PIK3R1: variants seen among roughly 807,000 people sequenced by gnomAD.
PIK3R1 encodes phosphatidylinositol 3-kinase regulatory subunit alpha.
PIK3R1 carries 29 observed loss-of-function variants against 98.0 expected under a neutral mutation model. The ratio of observed to expected loss-of-function variants is 0.30; its 90% CI spans 0.22 to 0.40. The LOEUF (loss-of-function observed/expected upper bound fraction) is 0.40. PIK3R1 is among the 10% of genes least tolerant of loss of function. The pLI, the probability that PIK3R1 is intolerant of heterozygous loss-of-function variation, is 1.00. For synonymous variants in PIK3R1, 282 were observed against 311.8 expected, an observed-to-expected ratio of 0.90 and a Z score of 1.01; for missense variants, 596 against 872.7, an observed-to-expected ratio of 0.68 and a Z score of 3.99.
rs758929943 is a variant in PIK3R1, at chr5:68,279,603, T to G, written c.504T>G (p.Asp168Glu). The G allele has an allele frequency of 6.2e-7, 1 of 1,613,042 alleles. No individual in the cohort carries two copies. The highest frequency in any genetic ancestry group is 1.7e-5 in the Admixed American group (1 of 59,974). The change falls in exon 5 of 16, where the codon GAT (aspartate) becomes GAG (glutamate). Residue 168 changes from aspartate (D) to glutamate (E), a missense_variant and splice_region_variant. Asp to Glu is a conservative substitution (Grantham distance 45). Transcript: ENST00000521381. ...LAELRQLLDC[D>E]TPSVDLEMID... ...AATATTTCTTAAATTGTTTCCTAGA[T>G]ACACCCTCCGTGGACTTGGAAATGA...
chr5:68,295,707 A>G (rs1247414000), intron 14 of PIK3R1: 1 of 572,514 alleles, frequency 1.7e-6, no homozygotes, highest in East Asian at 2.9e-5. Context: ...CTGTGAAACA[A>G]CTCTCTGTGT....
At chr5:68,230,931 C>T (rs1744441569) in intron 2 of PIK3R1, among the ~76,000 whole-genome samples, 1 of 152,018 alleles carries the variant, frequency 6.6e-6, no homozygotes, top group Non-Finnish European at 1.5e-5. Context: ...TACATGTCCT[C>T]GGGTGAGGCA....
At chr5:68,266,496 G>C (rs1746128372) in intron 2 of PIK3R1, among the ~76,000 whole-genome samples, 1 of 152,162 alleles carries the variant, frequency 6.6e-6, no homozygotes, top group African/African-American at 2.4e-5. Context: ...TATTTGGGGA[G>C]GAAGTACAAA....
intron 2 of PIK3R1, 113 bp downstream of exon 2, chr5:68,227,122 C>T (rs1580174120): frequency 5.8e-6 from 5 of 857,284 alleles, no homozygotes; most frequent in East Asian, 2.6e-5. Flanking sequence ...TTGGCAACTG[C>T]ACCTGAATTG....
chr5:68,264,723 A>G (rs888808460), intron 2 of PIK3R1, among the ~76,000 whole-genome samples: 1 of 152,170 alleles, frequency 6.6e-6, no homozygotes, highest in Non-Finnish European at 1.5e-5. Flanking sequence ...GAGGTAGGAA[A>G]GGCTCTGGCA....
intron 2 of PIK3R1, among the ~76,000 whole-genome samples, chr5:68,254,186 A>G (rs1162624832): frequency 6.6e-6 from 1 of 152,230 alleles, no homozygotes; most frequent in Non-Finnish European, 1.5e-5. Context: ...GCCAAATACA[A>G]AGATAAACCA....
rs118138019 is a variant in PIK3R1 at position 68,225,269 on chromosome 5, T to G, written c.-386-1021T>G. 1.2e-4 allele frequency among the ~76,000 whole-genome samples: 18 copies of G among 152,228 alleles called. No homozygotes were observed. The East Asian group carries it at 3.5e-3, about 29-fold the overall frequency. On this transcript the variant is annotated intron_variant, in intron 1 of 15. Coordinates refer to ENST00000521381, the MANE Select transcript of PIK3R1 (RefSeq NM_181523.3). The stretch of plus-strand genomic sequence containing the variant: ...TTTTTTAACTTTTGATTTGTCCTTG[T>G]GAGCTCTTCCATTCCATTGAATTCA...
At chr5:68,288,696 TC>T in intron 7 of PIK3R1, 1 of 1,610,706 alleles carries the variant, frequency 6.2e-7, no homozygotes, top group Admixed American at 1.7e-5. Flanking sequence ...TTTTTTTTTT[TC>T]ATTGTCGGAT....
At chr5:68,293,223 A>AT in intron 9 of PIK3R1, 24 bp downstream of exon 9, 3 of 1,604,634 alleles carry the variant, frequency 1.9e-6, no homozygotes, top group Non-Finnish European at 2.6e-6. Flanking sequence ...TATAGCTGAA[A>AT]TTAGGGTTTT....
Position 68,300,554 on chromosome 5 carries a change from A to C in PIK3R1, c.*2953A>C. 4.3e-6 allele frequency: 1 copy of C among 233,286 alleles called. No individual in the cohort carries two copies. The allele number at this position is 233,286 out of a possible 1,614,324, so 14.5% of individuals were successfully genotyped here. A position where few individuals can be genotyped will look rare whatever the true frequency, so the allele number is the denominator to read the frequency against. On this transcript the variant is annotated 3_prime_UTR_variant, in exon 16 of 16. Transcript: ENST00000521381. Reference sequence around the variant, plus strand: ...GGACCTCACATTACACACACGAGAGATCATAACCATGTGAAAAGGCAAAAA... The same window carrying C: ...GGACCTCACATTACACACACGAGAGCTCATAACCATGTGAAAAGGCAAAAA...
chr5:68,282,736 G>T (rs1029580393), intron 7 of PIK3R1, among the ~76,000 whole-genome samples: 8 of 152,166 alleles, frequency 5.3e-5, no homozygotes, highest in Admixed American at 1.3e-4. Context: ...CAATTGGTGC[G>T]CCTGTTTCAA....
At chr5:68,238,521 T>C (rs1241945512) in intron 2 of PIK3R1, among the ~76,000 whole-genome samples, 1 of 151,994 alleles carries the variant, frequency 6.6e-6, no homozygotes, top group African/African-American at 2.4e-5. Flanking sequence ...GGTTATGAGA[T>C]GAAAAGACAG....
At chr5:68,280,113 A>G (rs1746763450) in intron 5 of PIK3R1, 1 of 309,068 alleles carries the variant, frequency 3.2e-6, no homozygotes, top group Non-Finnish European at 6.0e-6. Flanking sequence ...GAATGTGTTG[A>G]GGGAAGATGG....
At chr5:68,292,451 C>CCAACATAAGCATGAAG in intron 8 of PIK3R1, 90 bp downstream of exon 8, 1 of 1,436,434 alleles carries the variant, frequency 7.0e-7, no homozygotes, top group Non-Finnish European at 9.7e-7. Flanking sequence ...AGGATATCAT[C>CCAACATAAGCATGAAG]CAACATAAGC....
rs566743944 is a variant in PIK3R1 at position 68,299,682 on chromosome 5, G to A, written c.*2081G>A. On this transcript the variant is annotated 3_prime_UTR_variant, in exon 16 of 16. Coordinates refer to ENST00000521381, the MANE Select transcript of PIK3R1 (RefSeq NM_181523.3). ...CAGCTATATTTCTGTTTAAGTACTA[G>A]GGTGAGGGTTTTCTGTTACTTTGTT... 48 of 233,182 alleles carry A rather than the reference G, an allele frequency of 2.1e-4. No individual in the cohort carries two copies. Among genetic ancestry groups the A allele is most frequent in the African/African-American group, 8.4e-4 (38 of 45,442 alleles). The allele number at this position is 233,182 out of a possible 1,614,324, so 14.4% of individuals were successfully genotyped here.
At chr5:68,257,964 C>T (rs1016970090) in intron 2 of PIK3R1, among the ~76,000 whole-genome samples, 2 of 152,318 alleles carry the variant, frequency 1.3e-5, no homozygotes, top group East Asian at 3.9e-4. Context: ...TTAGAGAAAA[C>T]AATAGCACCC....
intron 5 of PIK3R1, 199 bp from the exon 6 acceptor site, chr5:68,280,329 C>G: frequency 1.7e-6 from 1 of 585,486 alleles, no homozygotes; most frequent in Non-Finnish European, 3.0e-6. Flanking sequence ...TTTTGCATTT[C>G]CATTTGACCT....
chr5:68,239,567 G>A (rs533779738), intron 2 of PIK3R1, among the ~76,000 whole-genome samples: 20 of 152,314 alleles, frequency 1.3e-4, no homozygotes, highest in African/African-American at 2.4e-4. Context: ...AGATAAACAA[G>A]TTTAGTTAGA....
At position 68,298,340 on chromosome 5, in the gene PIK3R1, T is replaced by C. The variant is rs1212414138; in HGVS notation, c.*739T>C. The stretch of plus-strand genomic sequence containing the variant: ...TAATATTGGATGACTAACTATCAAA[T>C]AGATGGATTTGTATCAATACCAAAT... On this transcript the variant is annotated 3_prime_UTR_variant, in exon 16 of 16. Coordinates refer to ENST00000521381, the MANE Select transcript of PIK3R1 (RefSeq NM_181523.3). 4.3e-6 allele frequency: 1 copy of C among 233,132 alleles called. No homozygotes were observed. Among genetic ancestry groups the C allele is most frequent in the African/African-American group, 2.2e-5 (1 of 45,316 alleles). The allele number at this position is 233,132 out of a possible 1,614,324, so 14.4% of individuals were successfully genotyped here.
Sources: gnomAD v4.1 joint callset for allele counts (sites outside exome capture counted in the v4.1 genomes callset) on GRCh38, gnomAD v4.1.1 for gene constraint, MANE v1.5 for transcripts, NCBI Gene and HGNC (gene_info 2026-07-23, HGNC 2026-07-21) for gene names.